PATL1: variants seen among roughly 807,000 people sequenced by gnomAD.
PATL1 encodes protein PAT1 homolog 1.
PATL1 carries 32 observed loss-of-function variants against 100.6 expected under a neutral mutation model. That is an observed-to-expected ratio of 0.32 (90% CI 0.24 to 0.43). The LOEUF is 0.43. Ranked by LOEUF, PATL1 falls within the 20% of genes least tolerant of loss-of-function variation. The pLI, the probability that PATL1 is intolerant of heterozygous loss-of-function variation, is 1.00. For missense variants in PATL1, 747 were observed against 949.9 expected (o/e 0.79, Z 2.81); for synonymous variants, 332 against 330.0 (o/e 1.01, Z -0.07).
chr11:59,665,575 A>G (rs1246439662), intron 2 of PATL1, among the ~76,000 whole-genome samples: 1 of 148,482 alleles, frequency 6.7e-6, no homozygotes. Context: ...CTGAGGAGGG[A>G]TCACTTGAGG....
Position 59,649,506 on chromosome 11 carries a change from A to G in PATL1, c.1689T>C (p.Cys563=). The change falls in exon 14 of 19, where the codon TGT becomes TGC. Residue 563 remains cysteine (C), a synonymous_variant. Transcript: ENST00000300146. ...ALMDDRKHKI[C]SMYDNLRGKL... ...TCCCCCTTAAGTTGTCATACATGCT[A>G]CAAATTTTGTGCTTTCTGTCATCCA... 6.2e-7 allele frequency: 1 copy of G among 1,613,914 alleles called. No individual in the cohort carries two copies. The highest frequency in any genetic ancestry group is 8.5e-7 in the Non-Finnish European group (1 of 1,179,866).
In PATL1 at chr11:59,642,802, T is replaced by A. The variant is rs539174344; in HGVS notation, c.2049+78A>T. On this transcript the variant is annotated intron_variant, in intron 16 of 18. Coordinates refer to ENST00000300146, the MANE Select transcript of PATL1 (RefSeq NM_152716.3). ...AGCCTTTTTCCCAAGTTGCTAGAGA[T>A]ACAGCAGCCATTATTTTAATCTATA... 3.1e-5 allele frequency: 44 copies of A among 1,439,438 alleles called. No individual in the cohort carries two copies. The African/African-American group carries it at 5.8e-4, about 19-fold the overall frequency. 89.2% of individuals were successfully genotyped at this position (1,439,438 alleles called of 1,614,324 possible). A position where few individuals can be genotyped will look rare whatever the true frequency, so the allele number is the denominator to read the frequency against.
intron 2 of PATL1, among the ~76,000 whole-genome samples, chr11:59,663,171 G>C (rs146954002): frequency 6.6e-6 from 1 of 152,112 alleles, no homozygotes; most frequent in Non-Finnish European, 1.5e-5. Flanking sequence ...GTAGGCAAAA[G>C]AATAACAGAC....
At position 59,666,915 on chromosome 11, in the gene PATL1, A is replaced by C. The variant is rs1393386010; in HGVS notation, c.65T>G (p.Leu22Arg). The C allele has an allele frequency of 5.2e-6, 8 of 1,550,890 alleles. No individual in the cohort carries two copies. Among genetic ancestry groups the C allele is most frequent in the African/African-American group, 4.1e-5 (3 of 73,036 alleles). ...LDEDEDAFQG[L>R]GEEDEEIDQF... ...ATCAATCTCTTCATCTTCTTCTCCC[A>C]GTCCCTGAAATGCATCTTCATCTTC... The change falls in exon 2 of 19, where the codon CTG (leucine) becomes CGG (arginine). Residue 22 changes from leucine (L) to arginine (R), a missense_variant. Transcript: ENST00000300146.
chr11:59,654,120 T>G (rs776282227), intron 8 of PATL1, 48 bp from the exon 9 acceptor site: 1 of 1,479,062 alleles, frequency 6.8e-7, no homozygotes, highest in Admixed American at 1.7e-5. Flanking sequence ...CCTGATGACT[T>G]GAAATTTTAA....
At chr11:59,666,311 G>A (rs1341894624) in intron 2 of PATL1, among the ~76,000 whole-genome samples, 1 of 152,164 alleles carries the variant, frequency 6.6e-6, no homozygotes, top group Admixed American at 6.5e-5. Flanking sequence ...AATTTCATCT[G>A]TGCATACTTT....
intron 11 of PATL1, among the ~76,000 whole-genome samples, 161 bp from the exon 12 acceptor site, chr11:59,651,802 C>T (rs1861447315): frequency 6.6e-6 from 1 of 151,970 alleles, no homozygotes; most frequent in Non-Finnish European, 1.5e-5. Context: ...TGGTAACTCA[C>T]ACCTGTTATC....
chr11:59,642,804 C>T (rs977187223), intron 16 of PATL1, 76 bp downstream of exon 16: 3 of 1,445,206 alleles, frequency 2.1e-6, no homozygotes, highest in Admixed American at 4.3e-5. Context: ...GCTAGAGATA[C>T]AGCAGCCATT....
intron 2 of PATL1, among the ~76,000 whole-genome samples, chr11:59,664,291 C>T (rs908447444): frequency 6.6e-6 from 1 of 152,200 alleles, no homozygotes; most frequent in East Asian, 1.9e-4. Flanking sequence ...CAATATTATT[C>T]CCATCTTATG....
At chr11:59,655,338 G>A (rs1861512468) in intron 8 of PATL1, among the ~76,000 whole-genome samples, 185 bp downstream of exon 8, 1 of 152,216 alleles carries the variant, frequency 6.6e-6, no homozygotes, top group Admixed American at 6.5e-5. Flanking sequence ...CTCTGGTAAT[G>A]TGAGAAAAAT....
chr11:59,643,436 TCA>T (rs2134738404), intron 15 of PATL1, among the ~76,000 whole-genome samples: 1 of 151,998 alleles, frequency 6.6e-6, no homozygotes, highest in East Asian at 1.9e-4. Context: ...ATTGGCCATT[TCA>T]ATATACTGTG....
At chr11:59,661,084 A>C (rs75505825) in intron 2 of PATL1, among the ~76,000 whole-genome samples, 2 of 152,092 alleles carry the variant, frequency 1.3e-5, no homozygotes, top group South Asian at 2.1e-4. Context: ...TGCTCCATTC[A>C]GTATTTTTAT....
At chr11:59,654,590 G>A (rs1861498550) in intron 8 of PATL1, among the ~76,000 whole-genome samples, 1 of 151,954 alleles carries the variant, frequency 6.6e-6, no homozygotes. Context: ...GTTCTAAAAG[G>A]GTGATCATGA....
chr11:59,668,853 G>C, intron 1 of PATL1, 28 bp downstream of exon 1: 4 of 1,320,052 alleles, frequency 3.0e-6, no homozygotes, highest in Non-Finnish European at 4.1e-6. Flanking sequence ...GAGGGAGGGA[G>C]GGGTCACTTC....
At chr11:59,641,589 CA>C (rs1324408271) in intron 16 of PATL1, among the ~76,000 whole-genome samples, 1 of 151,894 alleles carries the variant, frequency 6.6e-6, no homozygotes, top group Non-Finnish European at 1.5e-5. Context: ...CCCACCTCTA[CA>C]AAAAATACAC....
intron 14 of PATL1, among the ~76,000 whole-genome samples, chr11:59,648,794 C>T (rs1001686987): frequency 3.9e-5 from 6 of 152,188 alleles, no homozygotes; most frequent in Non-Finnish European, 8.8e-5. Flanking sequence ...AGCCTAACTC[C>T]AGACACGGTG....
intron 15 of PATL1, among the ~76,000 whole-genome samples, chr11:59,643,822 T>C (rs1861321368): frequency 6.6e-6 from 1 of 152,226 alleles, no homozygotes; most frequent in Non-Finnish European, 1.5e-5. Context: ...AGAAACTCAG[T>C]GTTTGGAGTT....
chr11:59,666,399 C>T (rs1010126645), intron 2 of PATL1, among the ~76,000 whole-genome samples: 2 of 152,158 alleles, frequency 1.3e-5, no homozygotes, highest in Admixed American at 1.3e-4. Context: ...CTATAAGTTG[C>T]AAAGTTATAT....
At chr11:59,659,831 C>T (rs778027799) in intron 2 of PATL1, among the ~76,000 whole-genome samples, 19 of 151,926 alleles carry the variant, frequency 1.3e-4, no homozygotes, top group Non-Finnish European at 2.6e-4. Context: ...TGAGCCACCA[C>T]GCCCGGCCTA....
Sources: allele counts gnomAD v4.1 joint callset (sites outside exome capture counted in the v4.1 genomes callset), GRCh38; gene constraint gnomAD v4.1.1; transcripts MANE v1.5; gene names NCBI Gene and HGNC (gene_info 2026-07-23, HGNC 2026-07-21).